The following RBM47 variants were observed in gnomAD, a reference collection of about 807,000 sequenced individuals.
RBM47 encodes the protein RNA-binding protein 47.
Under a neutral mutation model 47.1 loss-of-function variants are expected in RBM47, and 21 were observed. The observed-to-expected ratio is 0.45, with a 90% CI of 0.32 to 0.64. The LOEUF is 0.64. Ranked by LOEUF, RBM47 falls within the 30% of genes least tolerant of loss-of-function variation. RBM47 has a pLI of 0.05. For synonymous variants in RBM47, 375 were observed against 361.7 expected, an observed-to-expected ratio of 1.04 and a Z score of -0.42; for missense variants, 708 against 870.9, an observed-to-expected ratio of 0.81 and a Z score of 2.35.
At position 40,496,329 on chromosome 4, in the gene RBM47, A is replaced by AACACACACACACAC. The variant is rs10597716; in HGVS notation, c.-154-29644_-154-29631dup. On this transcript the variant is annotated intron_variant, in intron 2 of 6. Coordinates refer to ENST00000295971, the MANE Select transcript of RBM47 (RefSeq NM_001098634.2). Reference sequence around the variant, plus strand: ...TTCTGTATCTTGGCTGGAGAACTTAAACACACACACACACACACACACACA... The same window carrying AACACACACACACAC: ...TTCTGTATCTTGGCTGGAGAACTTAAACACACACACACACACACACACACACACACACACACACA... 3.9e-4 allele frequency among the ~76,000 whole-genome samples: 51 copies of AACACACACACACAC among 129,300 alleles called. No homozygotes were observed. In the East Asian group the frequency reaches 0.011, roughly 27 times the overall value. 84.8% of individuals were successfully genotyped at this position (129,300 alleles called of 152,430 possible).
At chr4:40,468,188 G>A (rs376066436) in intron 2 of RBM47, among the ~76,000 whole-genome samples, 1 of 152,324 alleles carries the variant, frequency 6.6e-6, no homozygotes, top group South Asian at 2.1e-4. Flanking sequence ...TCAGGAGGCT[G>A]AGGCAGGAGA....
At chr4:40,529,872 A>ATAAATAAGTAAG (rs1553896960) in intron 2 of RBM47, among the ~76,000 whole-genome samples, 9 of 146,732 alleles carry the variant, frequency 6.1e-5, no homozygotes, top group African/African-American at 2.0e-4. Context: ...AAATAAATAA[A>ATAAATAAGTAAG]TAAATATTAA....
chr4:40,500,809 C>T (rs1180440937), intron 2 of RBM47, among the ~76,000 whole-genome samples: 2 of 151,678 alleles, frequency 1.3e-5, no homozygotes, highest in African/African-American at 4.8e-5. Flanking sequence ...TTTCTCAATA[C>T]ATTTAAAACC....
At chr4:40,579,749 ATTTT>A (rs60806221) in intron 1 of RBM47, among the ~76,000 whole-genome samples, 289 of 145,854 alleles carry the variant, frequency 2.0e-3, no homozygotes, top group African/African-American at 5.1e-3. Context: ...CTTTAGGGTA[ATTTT>A]TTTTTTTTTT....
At chr4:40,565,582 A>G (rs1407055394) in intron 1 of RBM47, among the ~76,000 whole-genome samples, 1 of 152,124 alleles carries the variant, frequency 6.6e-6, no homozygotes, top group Non-Finnish European at 1.5e-5. Flanking sequence ...CAAGCTTTGG[A>G]ATTAAGATTT....
intron 1 of RBM47, among the ~76,000 whole-genome samples, chr4:40,556,306 G>T (rs2154265439): frequency 6.6e-6 from 1 of 151,972 alleles, no homozygotes; most frequent in Middle Eastern, 3.4e-3. Context: ...AAAGTGCTGG[G>T]ATTACAGGCT....
chr4:40,507,030 C>T (rs147091645), intron 2 of RBM47, among the ~76,000 whole-genome samples: 54 of 152,258 alleles, frequency 3.5e-4, no homozygotes, highest in African/African-American at 1.1e-3. Flanking sequence ...GATCTTGGCT[C>T]GCTGCAACCT....
At position 40,582,022 on chromosome 4, in the gene RBM47, G is replaced by A. The variant is rs145420087; in HGVS notation, c.-239-37516C>T. On this transcript the variant is annotated intron_variant, in intron 1 of 6. Transcript: ENST00000295971. ...TCCCTACACCAGAATCCCGGTTGGCGCCTCTCACTCCTGCTCCTACACTCC... is the reference window on the plus strand; with the variant it reads ...TCCCTACACCAGAATCCCGGTTGGCACCTCTCACTCCTGCTCCTACACTCC... Among the ~76,000 whole-genome samples the A allele has an allele frequency of 4.6e-5, 7 of 152,080 alleles. No individual in the cohort carries two copies. In the East Asian group the frequency reaches 5.8e-4, roughly 13 times the overall value.
chr4:40,481,289 T>C (rs112994851), intron 2 of RBM47, among the ~76,000 whole-genome samples: 2,020 of 147,894 alleles, frequency 0.014, 51 homozygotes, highest in African/African-American at 0.048. Context: ...TTTTTTTTTT[T>C]TGAGATGGAG....
In RBM47 at chr4:40,464,696, G is replaced by A. The variant is rs143772803; in HGVS notation, c.-32+1881C>T. Among the ~76,000 whole-genome samples, 573 of 151,560 alleles carry A rather than the reference G, an allele frequency of 3.8e-3. 5 individuals are homozygous for A. The highest frequency in any genetic ancestry group is 0.013 in the African/African-American group (548 of 41,308). ...GGGAGGATCACGAGGTCAGGAGATC[G>A]AGACCACGGTGAAACCCCGTCTCTA... On this transcript the variant is annotated intron_variant, in intron 3 of 6. Transcript: ENST00000295971.
chr4:40,429,742 CCCTGCAGTCTTCCCT>C (rs1715626798), intron 6 of RBM47, among the ~76,000 whole-genome samples: 1 of 146,752 alleles, frequency 6.8e-6, no homozygotes. Flanking sequence ...GGTGAAGAGT[CCCTGCAGTCTTCCCT>C]CCTGTCAAGG....
At chr4:40,520,617 G>A (rs1233762385) in intron 2 of RBM47, among the ~76,000 whole-genome samples, 1 of 152,180 alleles carries the variant, frequency 6.6e-6, no homozygotes, top group Non-Finnish European at 1.5e-5. Context: ...GATTTAATCT[G>A]GAGCTTCTAA....
intron 1 of RBM47, among the ~76,000 whole-genome samples, chr4:40,598,274 T>TCTCA (rs955692906): frequency 1.3e-5 from 2 of 152,176 alleles, no homozygotes; most frequent in Admixed American, 1.3e-4. Context: ...TGAGATGGGG[T>TCTCA]CTCAGTCTGT....
At chr4:40,586,759 A>T (rs966462629) in intron 1 of RBM47, among the ~76,000 whole-genome samples, 4 of 151,598 alleles carry the variant, frequency 2.6e-5, no homozygotes, top group Middle Eastern at 6.3e-3. Context: ...CCCACCGGTG[A>T]CCTCTCTCCA....
intron 1 of RBM47, among the ~76,000 whole-genome samples, chr4:40,592,148 C>T (rs922261923): frequency 1.3e-5 from 2 of 152,190 alleles, no homozygotes; most frequent in African/African-American, 4.8e-5. Context: ...ACCTGTGACT[C>T]TGCAAAAACT....
intron 3 of RBM47, among the ~76,000 whole-genome samples, chr4:40,454,689 G>T (rs956835197): frequency 6.6e-6 from 1 of 152,038 alleles, no homozygotes; most frequent in African/African-American, 2.4e-5. Context: ...GTACAGACAG[G>T]GTTTTGCCAT....
chr4:40,521,629 G>A (rs1726200833), intron 2 of RBM47, among the ~76,000 whole-genome samples: 1 of 152,236 alleles, frequency 6.6e-6, no homozygotes, highest in Non-Finnish European at 1.5e-5. Context: ...AAAATCACTT[G>A]AGAGTCACAG....
chr4:40,428,773 T>C (rs959412148), intron 6 of RBM47, among the ~76,000 whole-genome samples: 14 of 152,162 alleles, frequency 9.2e-5, no homozygotes, highest in Non-Finnish European at 1.3e-4. Flanking sequence ...GATGTCCCTT[T>C]TATGATAGCA....
chr4:40,563,312 C>T (rs984594142), intron 1 of RBM47, among the ~76,000 whole-genome samples: 1 of 152,186 alleles, frequency 6.6e-6, no homozygotes, highest in African/African-American at 2.4e-5. Context: ...GTTTTGCTTC[C>T]TAAATAGCAC....
Sources: gnomAD v4.1 joint callset for allele counts (sites outside exome capture counted in the v4.1 genomes callset) on GRCh38, gnomAD v4.1.1 for gene constraint, MANE v1.5 for transcripts, NCBI Gene and HGNC (gene_info 2026-07-23, HGNC 2026-07-21) for gene names.